The following ENTPD6 variants were observed in gnomAD, a reference collection of about 807,000 sequenced individuals.
ENTPD6 encodes CD39 antigen-like 2.
ENTPD6 carries 46 observed loss-of-function variants against 61.5 expected under a neutral mutation model. The ratio of observed to expected loss-of-function variants is 0.75; its 90% confidence interval spans 0.59 to 0.96. The LOEUF (loss-of-function observed/expected upper bound fraction) is 0.96. Among genes scored for constraint, ENTPD6 ranks in the 40% least tolerant of loss-of-function variants. ENTPD6 has a pLI of 0.00. For synonymous variants in ENTPD6, 252 were observed against 255.5 expected (o/e 0.99, Z 0.13); for missense variants, 612 against 629.0 (o/e 0.97, Z 0.29).
At chr20:25,221,845 G>A (rs527431707) in intron 11 of ENTPD6, 11 of 234,590 alleles carry the variant, frequency 4.7e-5, no homozygotes, top group Middle Eastern at 1.6e-3. Context: ...GCATGCCTTC[G>A]CGAACCGTTC....
chr20:25,198,297 GAAATACCGTCTGTACTAA>G (rs1364847237), intron 1 of ENTPD6, among the ~76,000 whole-genome samples: 1 of 152,166 alleles, frequency 6.6e-6, no homozygotes, highest in Non-Finnish European at 1.5e-5. Context: ...CCAACATGGT[GAAATACCGTCTGTACTAA>G]AAATACAAAA....
chr20:25,219,078 C>T (rs538691459), intron 10 of ENTPD6, among the ~76,000 whole-genome samples: 1 of 152,362 alleles, frequency 6.6e-6, no homozygotes, highest in African/African-American at 2.4e-5. Flanking sequence ...GACGGGGTTT[C>T]ACCATGTTGG....
chr20:25,204,215 A>C (rs747329492), intron 1 of ENTPD6, among the ~76,000 whole-genome samples: 3 of 152,168 alleles, frequency 2.0e-5, no homozygotes, highest in African/African-American at 2.4e-5. Flanking sequence ...AAGGACTTTG[A>C]GATCAAGGAA....
intron 4 of ENTPD6, among the ~76,000 whole-genome samples, chr20:25,210,137 A>G (rs1202721590): frequency 6.6e-6 from 1 of 152,094 alleles, no homozygotes; most frequent in Non-Finnish European, 1.5e-5. Context: ...CCATCCTCTG[A>G]CTCCACCGTG....
chr20:25,205,877 C>T (rs2091454393), intron 1 of ENTPD6, among the ~76,000 whole-genome samples: 1 of 152,224 alleles, frequency 6.6e-6, no homozygotes, highest in African/African-American at 2.4e-5. Flanking sequence ...GTGCTTTGCC[C>T]CGCGGGCCCT....
chr20:25,216,968 C>G (rs2092352876), intron 8 of ENTPD6, among the ~76,000 whole-genome samples: 2 of 152,116 alleles, frequency 1.3e-5, no homozygotes, highest in Non-Finnish European at 2.9e-5. Context: ...GAAATTTGGT[C>G]TTTAGAGGGG....
chr20:25,199,528 A>G (rs550210562), intron 1 of ENTPD6, among the ~76,000 whole-genome samples: 1 of 152,288 alleles, frequency 6.6e-6, no homozygotes, highest in South Asian at 2.1e-4. Flanking sequence ...TAGCAACATA[A>G]TCCTTTTTAA....
At chr20:25,225,475 C>A (rs1176928081) in intron 14 of ENTPD6, 24 bp from the exon 15 acceptor site, 1 of 1,608,428 alleles carries the variant, frequency 6.2e-7, no homozygotes, top group South Asian at 1.1e-5. Flanking sequence ...GTGATGGTCC[C>A]CTCTCCCTCT....
chr20:25,199,249 G>GGGA (rs1307978227), intron 1 of ENTPD6, among the ~76,000 whole-genome samples: 2 of 152,210 alleles, frequency 1.3e-5, no homozygotes, highest in Non-Finnish European at 1.5e-5. Context: ...AGCAGCACAA[G>GGGA]GGAGGAGCTC....
intron 4 of ENTPD6, among the ~76,000 whole-genome samples, chr20:25,211,763 A>G (rs2091977308): frequency 6.6e-6 from 1 of 152,300 alleles, no homozygotes; most frequent in African/African-American, 2.4e-5. Context: ...TGCACCTGAC[A>G]CATACTTCAT....
intron 14 of ENTPD6, 45 bp from the exon 15 acceptor site, chr20:25,225,445 CACAAGGCTT>C: frequency 6.3e-7 from 1 of 1,588,118 alleles, no homozygotes; most frequent in African/African-American, 1.3e-5. Flanking sequence ...CCTCCTGATG[CACAAGGCTT>C]TCCTGTCTGT....
intron 3 of ENTPD6, among the ~76,000 whole-genome samples, chr20:25,209,126 T>C (rs1372420409): frequency 6.6e-6 from 1 of 150,626 alleles, no homozygotes; most frequent in Non-Finnish European, 1.5e-5. Context: ...TTTTTTTTTT[T>C]TGAGATGGAG....
At chr20:25,202,004 C>G (rs1288012366) in intron 1 of ENTPD6, among the ~76,000 whole-genome samples, 1 of 152,110 alleles carries the variant, frequency 6.6e-6, no homozygotes, top group African/African-American at 2.4e-5. Flanking sequence ...GTTGAAGAAG[C>G]CTTACTGATA....
At chr20:25,213,648 G>A (rs2092127904) in intron 5 of ENTPD6, among the ~76,000 whole-genome samples, 1 of 152,198 alleles carries the variant, frequency 6.6e-6, no homozygotes, top group African/African-American at 2.4e-5. Flanking sequence ...AAAGCAACTT[G>A]ATTTTAGAAG....
chr20:25,225,518 A>G lies in ENTPD6; in HGVS notation c.1376A>G (p.Asn459Ser), dbSNP rs1234997937. ...KVLKLTRKID[N>S]VETSWALGAI... ...TTCAAGCTCACTCGGAAAATTGACAATGTTGAGACCAGCTGGGCTCTGGGG... is the reference window on the plus strand; with the variant it reads ...TTCAAGCTCACTCGGAAAATTGACAGTGTTGAGACCAGCTGGGCTCTGGGG... The change falls in exon 15 of 15, where the codon AAT (asparagine) becomes AGT (serine). Residue 459 changes from asparagine (N) to serine (S), a missense_variant. Transcript: ENST00000376652. The G allele has an allele frequency of 1.2e-6, 2 of 1,613,918 alleles. No homozygotes were observed. The highest frequency in any genetic ancestry group is 1.7e-6 in the Non-Finnish European group (2 of 1,179,888).
At position 25,215,682 on chromosome 20, in the gene ENTPD6, C is replaced by T. The variant is rs777289378; in HGVS notation, c.680C>T (p.Ser227Leu). The change falls in exon 7 of 15, where the codon TCG becomes TTG. Residue 227 changes from serine (S) to leucine (L), a missense_variant. By Grantham distance (145) the Ser-to-Leu change is moderately radical. Transcript: ENST00000376652. Reference protein sequence around the residue: ...SIMNGTDEGVSAWITINFLTG... With the variant: ...SIMNGTDEGVLAWITINFLTG... Reference sequence around the variant, plus strand: ...CTGTGACACTCTCTTGCAGGCGTTTCGGCGTGGATCACCATCAACTTCCTG... The same window carrying T: ...CTGTGACACTCTCTTGCAGGCGTTTTGGCGTGGATCACCATCAACTTCCTG... The T allele has an allele frequency of 8.7e-6, 14 of 1,614,078 alleles. No individual in the cohort carries two copies. Among genetic ancestry groups the T allele is most frequent in the African/African-American group, 4.0e-5 (3 of 74,938 alleles).
At chr20:25,205,078 G>A (rs980896805) in intron 1 of ENTPD6, among the ~76,000 whole-genome samples, 10 of 152,102 alleles carry the variant, frequency 6.6e-5, no homozygotes, top group African/African-American at 9.7e-5. Context: ...TAGAAGGTGC[G>A]GGGGTAGAGG....
Position 25,214,906 on chromosome 20 carries a change from G to A in ENTPD6, c.637G>A (p.Asp213Asn), listed in dbSNP as rs2092227584. 1 of 1,608,502 alleles carries A rather than the reference G, an allele frequency of 6.2e-7. No homozygotes were observed. Residue 213 changes from aspartate to asparagine, a missense_variant, in exon 6 of 15, where the codon GAT (aspartate) becomes AAT (asparagine). Coordinates refer to ENST00000376652, the MANE Select transcript of ENTPD6 (RefSeq NM_001247.5). ...TAAAGCATCGCCTTTCCTTGTAGGG[G>A]ATGACTGTGTTTCCATCATGAACGG... ...VFKASPFLVG[D>N]DCVSIMNGTD...
Position 25,221,249 on chromosome 20 carries a change from T to G in ENTPD6, c.961T>G (p.Leu321Val). Residue 321 changes from leucine to valine, a missense_variant, in exon 11 of 15, where the codon TTG becomes GTG. Physicochemically the swap from Leu to Val is conservative, Grantham distance 32. Transcript: ENST00000376652. ...TGTTTCAGCTAAGGATGGAAAGGAG[T>G]TGGTCAGCCCTTGCTTGTCTCCCAG... ...EGQPAKDGKELVSPCLSPSFK... is the reference protein window; with the variant it reads ...EGQPAKDGKEVVSPCLSPSFK... 3 of 1,613,610 alleles carry G rather than the reference T, an allele frequency of 1.9e-6. No homozygotes were observed. The highest frequency in any genetic ancestry group is 2.5e-6 in the Non-Finnish European group (3 of 1,179,658).
Sources: allele counts gnomAD v4.1 joint callset (sites outside exome capture counted in the v4.1 genomes callset), GRCh38; gene constraint gnomAD v4.1.1; transcripts MANE v1.5; gene names NCBI Gene and HGNC (gene_info 2026-07-23, HGNC 2026-07-21).